The following PLPP1 variants were observed in gnomAD, a reference collection of about 807,000 sequenced individuals.
PLPP1 encodes lipid phosphate phosphohydrolase 1a.
PLPP1 carries 24 observed loss-of-function variants against 31.2 expected under a neutral mutation model. The observed-to-expected ratio is 0.77, with a 90% CI of 0.56 to 1.08. The LOEUF is 1.08. Ranked by LOEUF, PLPP1 falls within the 50% of genes least tolerant of loss-of-function variation. The pLI is 0.00. For synonymous variants in PLPP1, 146 were observed against 126.3 expected, an observed-to-expected ratio of 1.16 and a Z score of -1.05; for missense variants, 319 against 342.7, an observed-to-expected ratio of 0.93 and a Z score of 0.55.
intron 2 of PLPP1, among the ~76,000 whole-genome samples, chr5:55,470,972 T>A (rs1275866468): frequency 6.6e-6 from 1 of 152,162 alleles, no homozygotes; most frequent in Non-Finnish European, 1.5e-5. Context: ...CCCACAGTAT[T>A]CTCTTATCAT....
At chr5:55,502,918 TTC>T (rs1753177424) in intron 1 of PLPP1, among the ~76,000 whole-genome samples, 1 of 152,164 alleles carries the variant, frequency 6.6e-6, no homozygotes, top group Non-Finnish European at 1.5e-5. Flanking sequence ...CTGAGCTAGC[TTC>T]TCTTTTCAGG....
chr5:55,458,115 A>AT (rs1214994523), intron 3 of PLPP1, among the ~76,000 whole-genome samples: 2 of 152,208 alleles, frequency 1.3e-5, no homozygotes, highest in African/African-American at 4.8e-5. Flanking sequence ...TCCCACTTCC[A>AT]TTTTATTAAG....
chr5:55,530,528 C>G, intron 1 of PLPP1: 1 of 1,213,624 alleles, frequency 8.2e-7, no homozygotes, highest in Non-Finnish European at 1.2e-6. Context: ...CTTCAGAGAT[C>G]TGAAAGTTTG....
chr5:55,428,184 C>T (rs1751257863), intron 4 of PLPP1, among the ~76,000 whole-genome samples: 1 of 152,236 alleles, frequency 6.6e-6, no homozygotes, highest in South Asian at 2.1e-4. Flanking sequence ...ATCAGTGAAA[C>T]TCTGACCATG....
chr5:55,500,025 C>A (rs1426104105), intron 1 of PLPP1, among the ~76,000 whole-genome samples: 3 of 150,170 alleles, frequency 2.0e-5, no homozygotes, highest in African/African-American at 7.3e-5. Context: ...AGCATAAAAC[C>A]AAGCAAAATA....
At chr5:55,501,863 C>G (rs978544063) in intron 1 of PLPP1, among the ~76,000 whole-genome samples, 51 of 152,100 alleles carry the variant, frequency 3.4e-4, no homozygotes, top group African/African-American at 1.1e-3. Flanking sequence ...GACATGCTTA[C>G]AGAGAGAGTA....
intron 2 of PLPP1, among the ~76,000 whole-genome samples, chr5:55,468,504 C>CA (rs1021944795): frequency 6.5e-4 from 98 of 151,810 alleles, no homozygotes; most frequent in African/African-American, 2.3e-3. Flanking sequence ...ATGGCTTGTC[C>CA]AAAAAACAAA....
intron 4 of PLPP1, among the ~76,000 whole-genome samples, chr5:55,441,550 GGA>G (rs1751620386): frequency 6.6e-6 from 1 of 152,172 alleles, no homozygotes; most frequent in Non-Finnish European, 1.5e-5. Context: ...GAGCAGATGA[GGA>G]GAGTGGCTCC....
At chr5:55,503,475 G>T (rs1753189960) in intron 1 of PLPP1, among the ~76,000 whole-genome samples, 1 of 151,970 alleles carries the variant, frequency 6.6e-6, no homozygotes, top group Non-Finnish European at 1.5e-5. Flanking sequence ...AACTAATGAA[G>T]TCTAAAATGT....
chr5:55,484,060 T>A (rs1242070470), intron 1 of PLPP1, among the ~76,000 whole-genome samples: 1 of 152,166 alleles, frequency 6.6e-6, no homozygotes, highest in Non-Finnish European at 1.5e-5. Context: ...TCTTCTCAAC[T>A]AGGCCTCAAC....
chr5:55,534,254 A>C (rs548188876), intron 1 of PLPP1, among the ~76,000 whole-genome samples: 4 of 152,264 alleles, frequency 2.6e-5, no homozygotes, highest in South Asian at 4.1e-4. Context: ...TACCGTACAG[A>C]GGGGAGGAGC....
At chr5:55,433,067 G>A (rs1751398832) in intron 4 of PLPP1, among the ~76,000 whole-genome samples, 1 of 150,906 alleles carries the variant, frequency 6.6e-6, no homozygotes, top group African/African-American at 2.4e-5. Context: ...CCAGCACTTC[G>A]GAAGGTCAAG....
At chr5:55,428,864 G>GAACTT (rs1751273767) in intron 4 of PLPP1, among the ~76,000 whole-genome samples, 1 of 152,114 alleles carries the variant, frequency 6.6e-6, no homozygotes, top group South Asian at 2.1e-4. Context: ...TTAAGAGTAG[G>GAACTT]AACTTAACAG....
At chr5:55,474,924 C>T (rs761758427) in intron 2 of PLPP1, among the ~76,000 whole-genome samples, 2 of 151,808 alleles carry the variant, frequency 1.3e-5, no homozygotes, top group South Asian at 2.1e-4. Context: ...AGGTTCTTTT[C>T]GTGTTTTTTT....
At chr5:55,498,661 C>A in intron 1 of PLPP1, among the ~76,000 whole-genome samples, 1 of 150,232 alleles carries the variant, frequency 6.7e-6, no homozygotes, top group African/African-American at 2.5e-5. Flanking sequence ...TGACTTGTCA[C>A]ACCAAAGGGC....
chr5:55,517,114 A>G (rs986374619), intron 1 of PLPP1, among the ~76,000 whole-genome samples: 28 of 152,190 alleles, frequency 1.8e-4, no homozygotes, highest in Admixed American at 1.2e-3. Flanking sequence ...CAAAATTTCA[A>G]ACTCCTCTGC....
chr5:55,531,545 C>T (rs752658597), intron 1 of PLPP1, among the ~76,000 whole-genome samples: 4 of 152,210 alleles, frequency 2.6e-5, no homozygotes, highest in Non-Finnish European at 4.4e-5. Flanking sequence ...TTTCACAAAA[C>T]CCTGCACTTA....
chr5:55,442,449 C>T (rs865875692), intron 3 of PLPP1, among the ~76,000 whole-genome samples: 2 of 152,088 alleles, frequency 1.3e-5, no homozygotes, highest in African/African-American at 2.4e-5. Flanking sequence ...GTCAGGAGAT[C>T]GAGACCATCC....
At chr5:55,437,370 T>A (rs1561222842) in intron 4 of PLPP1, among the ~76,000 whole-genome samples, 1 of 152,212 alleles carries the variant, frequency 6.6e-6, no homozygotes, top group Non-Finnish European at 1.5e-5. Flanking sequence ...ATTCTATTGT[T>A]AATAAAGTAA....
Sources: gnomAD v4.1 joint callset for allele counts (sites outside exome capture counted in the v4.1 genomes callset) on GRCh38, gnomAD v4.1.1 for gene constraint, MANE v1.5 for transcripts, NCBI Gene and HGNC (gene_info 2026-07-23, HGNC 2026-07-21) for gene names.